The following SLC38A9 variants were observed in gnomAD, a reference collection of about 807,000 sequenced individuals.
SLC38A9 encodes neutral amino acid transporter 9.
Under a neutral mutation model 62.3 loss-of-function variants are expected in SLC38A9, and 48 were observed. The observed-to-expected ratio is 0.77, with a 90% CI of 0.61 to 0.98. The LOEUF (loss-of-function observed/expected upper bound fraction) is 0.98. SLC38A9 is among the 50% of genes least tolerant of loss of function. The probability of loss-of-function intolerance (pLI) is 0.00; values close to 1 mark genes in which losing one functional copy is unlikely to be tolerated. For synonymous variants in SLC38A9, 204 were observed against 227.7 expected, an observed-to-expected ratio of 0.90 and a Z score of 0.94; for missense variants, 541 against 679.8, an observed-to-expected ratio of 0.80 and a Z score of 2.27.
intron 9 of SLC38A9, among the ~76,000 whole-genome samples, chr5:55,653,390 T>TA (rs1747878894): frequency 6.6e-6 from 1 of 152,100 alleles, no homozygotes; most frequent in South Asian, 2.1e-4. Context: ...CACAATAATA[T>TA]AAAAAATATC....
intron 3 of SLC38A9, among the ~76,000 whole-genome samples, chr5:55,683,533 C>G (rs1753332152): frequency 6.6e-6 from 1 of 152,154 alleles, no homozygotes; most frequent in Admixed American, 6.5e-5. Context: ...AAAATGAAAT[C>G]ACCTATCAGA....
rs779176041 is a variant in SLC38A9, at chr5:55,633,869, G to T, written c.1315C>A (p.Leu439Met). 6.2e-7 allele frequency: 1 copy of T among 1,611,746 alleles called. No individual in the cohort carries two copies. The change falls in exon 14 of 16, where the codon CTG becomes ATG. Residue 439 changes from leucine to methionine, a missense_variant. Transcript: ENST00000396865. ...FLDNFPSSDT[L>M]SFIARIFLLF... ...AGGAATATCCTTGCAATGAAGGACAGGGTGTCACTGCTAGGGAAGTTGTCT... is the reference window on the plus strand; with the variant it reads ...AGGAATATCCTTGCAATGAAGGACATGGTGTCACTGCTAGGGAAGTTGTCT...
Position 55,662,219 on chromosome 5 carries a change from T to C in SLC38A9, c.697+2474A>G, listed in dbSNP as rs146465730. 1.3e-3 allele frequency among the ~76,000 whole-genome samples: 198 copies of C among 152,290 alleles called. No homozygotes were observed. In the Middle Eastern group the frequency reaches 0.014, roughly 10 times the overall value. Reference sequence around the variant, plus strand: ...ATGTTTAATAAAGCCTTGCTTGTAATAGCACAATAAGTGAAAACAAATTAA... The same window carrying C: ...ATGTTTAATAAAGCCTTGCTTGTAACAGCACAATAAGTGAAAACAAATTAA... On this transcript the variant is annotated intron_variant, in intron 8 of 15. Transcript: ENST00000396865.
chr5:55,651,055 T>C (rs1747312649), intron 10 of SLC38A9, among the ~76,000 whole-genome samples: 1 of 152,038 alleles, frequency 6.6e-6, no homozygotes, highest in South Asian at 2.1e-4. Context: ...CTTCCCAAAG[T>C]GCTGGGATTA....
At chr5:55,677,924 TATTGTGTGTGTGTG>T (rs1233562722) in intron 3 of SLC38A9, among the ~76,000 whole-genome samples, 1 of 115,714 alleles carries the variant, frequency 8.6e-6, no homozygotes, top group African/African-American at 3.8e-5. Flanking sequence ...TTTTTTTCTT[TATTGTGTGTGTGTG>T]TGTGTGTGTG....
intron 2 of SLC38A9, among the ~76,000 whole-genome samples, chr5:55,710,259 G>A (rs1757841632): frequency 6.8e-6 from 1 of 147,316 alleles, no homozygotes; most frequent in Non-Finnish European, 1.5e-5. Context: ...CTGGAGTGCA[G>A]TGGTGCAGTC....
intron 8 of SLC38A9, among the ~76,000 whole-genome samples, chr5:55,662,468 G>A (rs1045399932): frequency 9.2e-5 from 14 of 151,988 alleles, no homozygotes; most frequent in East Asian, 5.8e-4. Context: ...TCAGGAGATC[G>A]AGACCATCCT....
chr5:55,687,641 G>A (rs1425179718), intron 3 of SLC38A9, among the ~76,000 whole-genome samples: 2 of 151,956 alleles, frequency 1.3e-5, no homozygotes, highest in African/African-American at 4.8e-5. Context: ...TCTCCTTGTA[G>A]AGATCTTTCA....
At position 55,699,540 on chromosome 5, in the gene SLC38A9, T is replaced by TA. The variant is rs1756371390; in HGVS notation, c.-34-1549dup. ...AAAAATAACCTAGCATATGAGGAAA[T>TA]AAAGTACTATGAGTGAGAACAAGAA... On this transcript the variant is annotated intron_variant, in intron 2 of 15. Transcript: ENST00000396865. Among the ~76,000 whole-genome samples the TA allele has an allele frequency of 2.6e-5, 4 of 152,062 alleles. No homozygotes were observed. In the South Asian group the frequency reaches 8.3e-4, roughly 32 times the overall value.
At chr5:55,646,966 C>T (rs561531250) in intron 11 of SLC38A9, among the ~76,000 whole-genome samples, 1 of 152,182 alleles carries the variant, frequency 6.6e-6, no homozygotes, top group South Asian at 2.1e-4. Flanking sequence ...CCATGTTGTC[C>T]AGGCTGGTCT....
intron 10 of SLC38A9, among the ~76,000 whole-genome samples, chr5:55,651,214 T>C (rs1394848065): frequency 7.6e-6 from 1 of 130,968 alleles, no homozygotes; most frequent in Non-Finnish European, 1.7e-5. Context: ...GTTAGCCAGA[T>C]CTGAACTTTC....
intron 12 of SLC38A9, among the ~76,000 whole-genome samples, chr5:55,644,757 T>C (rs1746035931): frequency 1.3e-5 from 2 of 152,102 alleles, no homozygotes; most frequent in Admixed American, 6.5e-5. Context: ...AGGGTACATG[T>C]GCACAATATG....
chr5:55,712,068 A>G (rs186501263), intron 1 of SLC38A9, 149 bp downstream of exon 1: 1 of 152,310 alleles, frequency 6.6e-6, no homozygotes, highest in East Asian at 1.9e-4. Context: ...CCTGAGCCCC[A>G]AAAGAAGAGA....
chr5:55,661,992 CTGAG>C (rs1749654840), intron 8 of SLC38A9, among the ~76,000 whole-genome samples: 1 of 152,156 alleles, frequency 6.6e-6, no homozygotes, highest in East Asian at 1.9e-4. Context: ...TCTGATAATA[CTGAG>C]TGTGAGTGAG....
chr5:55,698,796 T>G (rs1455254927), intron 2 of SLC38A9, among the ~76,000 whole-genome samples: 1 of 152,138 alleles, frequency 6.6e-6, no homozygotes, highest in African/African-American at 2.4e-5. Context: ...CTGGGCATGG[T>G]GGCACATGCC....
chr5:55,699,697 T>G (rs1454197460), intron 2 of SLC38A9, among the ~76,000 whole-genome samples: 2 of 146,996 alleles, frequency 1.4e-5, no homozygotes, highest in Admixed American at 1.4e-4. Context: ...TTAGTATGTT[T>G]AAATAAGGAC....
chr5:55,685,740 C>A (rs951974986), intron 3 of SLC38A9, among the ~76,000 whole-genome samples: 7 of 152,038 alleles, frequency 4.6e-5, no homozygotes, highest in African/African-American at 1.7e-4. Flanking sequence ...GGCATTAAGC[C>A]TAGTATCCAT....
intron 11 of SLC38A9, among the ~76,000 whole-genome samples, chr5:55,648,556 A>C (rs1443520198): frequency 2.0e-5 from 3 of 152,218 alleles, no homozygotes; most frequent in Admixed American, 2.0e-4. Flanking sequence ...ATTGCATTAC[A>C]TGTATTTGAG....
chr5:55,707,371 T>C (rs1329971562), intron 2 of SLC38A9, among the ~76,000 whole-genome samples: 1 of 152,172 alleles, frequency 6.6e-6, no homozygotes, highest in African/African-American at 2.4e-5. Context: ...AGACATTACA[T>C]TGATATAATT....
Sources: allele counts gnomAD v4.1 joint callset (sites outside exome capture counted in the v4.1 genomes callset), GRCh38; gene constraint gnomAD v4.1.1; transcripts MANE v1.5; gene names NCBI Gene and HGNC (gene_info 2026-07-23, HGNC 2026-07-21).